The following COX7B2 variants were observed in gnomAD, a reference collection of about 807,000 sequenced individuals.
COX7B2 encodes cytochrome c oxidase subunit 7B2, mitochondrial.
For synonymous variants in COX7B2, 37 were observed against 32.1 expected (o/e 1.15, Z -0.51); for missense variants, 109 against 95.9 (o/e 1.14, Z -0.57).
chr4:46,837,274 TACACACACACACAC>T (rs33927124), intron 2 of COX7B2, among the ~76,000 whole-genome samples: 216 of 133,352 alleles, frequency 1.6e-3, no homozygotes, highest in Middle Eastern at 4.0e-3. Flanking sequence ...CACAAAGACA[TACACACACACACAC>T]ACACACACAC....
At chr4:46,902,441 T>TG (rs1488172304) in intron 1 of COX7B2, among the ~76,000 whole-genome samples, 1 of 152,184 alleles carries the variant, frequency 6.6e-6, no homozygotes, top group Admixed American at 6.5e-5. Context: ...ACTAAACCAC[T>TG]GGACTTAATA....
intron 2 of COX7B2, among the ~76,000 whole-genome samples, chr4:46,758,781 T>C (rs575508669): frequency 9.2e-5 from 14 of 152,224 alleles, no homozygotes; most frequent in African/African-American, 3.4e-4. Context: ...GAATTTCAGT[T>C]TTCATGGACT....
In COX7B2 at chr4:46,736,880, A is replaced by G. The variant is rs140468871; in HGVS notation, c.-49-1639T>C. Among the ~76,000 whole-genome samples, 625 of 152,342 alleles carry G rather than the reference A, an allele frequency of 4.1e-3. 4 individuals carry two copies. The highest frequency in any genetic ancestry group is 6.4e-3 in the Non-Finnish European group (437 of 68,024). On this transcript the variant is annotated intron_variant, in intron 2 of 2. Coordinates refer to ENST00000355591, the MANE Select transcript of COX7B2 (RefSeq NM_130902.3). Reference sequence around the variant, plus strand: ...ACTGAAGGACATCTTGATTGCTTCTAAGATTCAATTAGTACGAATACAACT... The same window carrying G: ...ACTGAAGGACATCTTGATTGCTTCTGAGATTCAATTAGTACGAATACAACT...
intron 1 of COX7B2, among the ~76,000 whole-genome samples, chr4:46,905,047 TG>T (rs1474762832): frequency 2.0e-5 from 3 of 152,284 alleles, no homozygotes; most frequent in South Asian, 2.1e-4. Context: ...ATTTTTAAAA[TG>T]GGGAGTATAG....
chr4:46,782,031 G>T (rs1206192324), intron 2 of COX7B2, among the ~76,000 whole-genome samples: 2 of 152,190 alleles, frequency 1.3e-5, no homozygotes, highest in Non-Finnish European at 2.9e-5. Flanking sequence ...CCTCCCAAGG[G>T]CTGAGGAGTA....
At chr4:46,757,822 T>C (rs754783906) in intron 2 of COX7B2, among the ~76,000 whole-genome samples, 8 of 151,976 alleles carry the variant, frequency 5.3e-5, no homozygotes, top group Non-Finnish European at 8.8e-5. Context: ...AAAAGAGAAA[T>C]GTTCTGTAGC....
chr4:46,878,020 T>TACAC (rs58928264), intron 1 of COX7B2, among the ~76,000 whole-genome samples: 32,297 of 147,496 alleles, frequency 0.22, 3,528 homozygotes, highest in East Asian at 0.28. Context: ...TTGTAGTGCA[T>TACAC]ACACACACAC....
intron 2 of COX7B2, among the ~76,000 whole-genome samples, chr4:46,837,862 A>G (rs1181315647): frequency 1.3e-5 from 2 of 152,126 alleles, no homozygotes; most frequent in East Asian, 1.9e-4. Context: ...GGGAATAATA[A>G]TAATTAACCA....
At chr4:46,738,649 C>A (rs944346181) in intron 2 of COX7B2, among the ~76,000 whole-genome samples, 1 of 151,966 alleles carries the variant, frequency 6.6e-6, no homozygotes, top group Non-Finnish European at 1.5e-5. Flanking sequence ...TCAGTAAGTC[C>A]TACTCCTATT....
chr4:46,878,917 G>C (rs773105029), intron 1 of COX7B2, among the ~76,000 whole-genome samples: 3 of 152,150 alleles, frequency 2.0e-5, no homozygotes, highest in Non-Finnish European at 4.4e-5. Flanking sequence ...AGGACTTACA[G>C]TCTTAGCCAA....
chr4:46,801,959 T>A (rs546786268), intron 2 of COX7B2, among the ~76,000 whole-genome samples: 81 of 152,092 alleles, frequency 5.3e-4, no homozygotes, highest in Non-Finnish European at 8.7e-4. Context: ...ACAGATAAAC[T>A]CACTCTCAGG....
At chr4:46,788,824 G>A (rs746840468) in intron 2 of COX7B2, among the ~76,000 whole-genome samples, 2 of 152,122 alleles carry the variant, frequency 1.3e-5, no homozygotes, top group Non-Finnish European at 2.9e-5. Context: ...TCTATCTTTT[G>A]ATGGAACCCA....
intron 1 of COX7B2, among the ~76,000 whole-genome samples, chr4:46,898,008 C>T (rs1430302392): frequency 1.3e-5 from 2 of 152,144 alleles, no homozygotes; most frequent in African/African-American, 4.8e-5. Flanking sequence ...GCCTCTAAGC[C>T]TAATTTTTGG....
At chr4:46,859,377 A>G (rs543495467) in intron 1 of COX7B2, among the ~76,000 whole-genome samples, 1 of 152,288 alleles carries the variant, frequency 6.6e-6, no homozygotes, top group South Asian at 2.1e-4. Flanking sequence ...TAGGGGTCAG[A>G]TACCTATTTT....
At chr4:46,863,544 T>C (rs1717462706) in intron 1 of COX7B2, among the ~76,000 whole-genome samples, 1 of 152,224 alleles carries the variant, frequency 6.6e-6, no homozygotes, top group African/African-American at 2.4e-5. Flanking sequence ...TTGCTCTTAA[T>C]AAAATTACAA....
intron 1 of COX7B2, among the ~76,000 whole-genome samples, chr4:46,904,880 A>T (rs1720280788): frequency 6.6e-6 from 1 of 152,188 alleles, no homozygotes; most frequent in African/African-American, 2.4e-5. Flanking sequence ...AAGAACATGG[A>T]TTCCTATTTG....
rs1306081559 is a variant in COX7B2 at position 46,820,831 on chromosome 4, A to AT, written c.-50+24128_-50+24129insA. Among the ~76,000 whole-genome samples the AT allele has an allele frequency of 2.3e-3, 338 of 146,172 alleles. 1 individual carries two copies. Among genetic ancestry groups the AT allele is most frequent in the East Asian group, 0.011 (55 of 5,040 alleles). ...AGCAAAACTCCATCTCAAAAAAAAA[A>AT]AAAATATATATATATATATATAGAT... On this transcript the variant is annotated intron_variant, in intron 2 of 2. Transcript: ENST00000355591.
intron 2 of COX7B2, among the ~76,000 whole-genome samples, chr4:46,742,843 T>C (rs1308563019): frequency 6.6e-6 from 1 of 152,204 alleles, no homozygotes; most frequent in Non-Finnish European, 1.5e-5. Context: ...CCAGTCACAG[T>C]CTAAATGAAC....
At chr4:46,782,116 G>A (rs943262466) in intron 2 of COX7B2, among the ~76,000 whole-genome samples, 1 of 152,174 alleles carries the variant, frequency 6.6e-6, no homozygotes, top group Non-Finnish European at 1.5e-5. Context: ...AAGCCAGCTG[G>A]GCTCCTGAAT....
Sources: gnomAD v4.1 joint callset for allele counts (sites outside exome capture counted in the v4.1 genomes callset) on GRCh38, gnomAD v4.1.1 for gene constraint, MANE v1.5 for transcripts, NCBI Gene and HGNC (gene_info 2026-07-23, HGNC 2026-07-21) for gene names.